Variants in ADNP2 observed in about 807,000 individuals in gnomAD.
ADNP2 encodes the protein ADNP homeobox 2, also known as activity-dependent neuroprotector homeobox protein 2.
In ADNP2, 8 loss-of-function variants were observed where a neutral mutation model predicts 16.4. The ratio of observed to expected loss-of-function variants is 0.49; its 90% confidence interval spans 0.29 to 0.88. ADNP2 has a LOEUF of 0.88. ADNP2 is among the 40% of genes least tolerant of loss of function. The probability of loss-of-function intolerance (pLI) is 0.09; values close to 1 mark genes in which losing one functional copy is unlikely to be tolerated. For synonymous variants in ADNP2, 637 were observed against 545.8 expected (o/e 1.17, Z -2.33); for missense variants, 1,397 against 1,395.1 (o/e 1.00, Z -0.02).
In ADNP2 at chr18:80,138,371, G is replaced by C. The variant is rs1399122682; in HGVS notation, c.2958G>C (p.Gly986=). Residue 986 remains glycine (G), a synonymous_variant, in exon 4 of 4, where the codon GGG becomes GGC. Transcript: ENST00000262198. ...VKRKLPDGHL[G]AEDQRHGEEQ... ...GAAAGCTGCCTGACGGCCACTTAGG[G>C]GCCGAAGACCAGCGGCATGGGGAGG... is the stretch of plus-strand genomic sequence containing the variant. 2 of 1,613,972 alleles carry C rather than the reference G, an allele frequency of 1.2e-6. No individual in the cohort carries two copies. The highest frequency in any genetic ancestry group is 2.7e-5 in the African/African-American group (2 of 74,932).
rs564534283 is a variant in ADNP2, at chr18:80,124,163, G to A, written c.108+6513G>A. Among the ~76,000 whole-genome samples, 185 of 152,304 alleles carry A rather than the reference G, an allele frequency of 1.2e-3. 1 individual carries two copies. The highest frequency in any genetic ancestry group is 4.2e-3 in the African/African-American group (176 of 41,560). ...TCTATTTCTTCATGGGTATGAATCAGTTTTAGGTAATTAGTGTCTTTCTAG... is the reference window on the plus strand; with the variant it reads ...TCTATTTCTTCATGGGTATGAATCAATTTTAGGTAATTAGTGTCTTTCTAG... On this transcript the variant is annotated intron_variant, in intron 2 of 3. Transcript: ENST00000262198.
intron 2 of ADNP2, among the ~76,000 whole-genome samples, chr18:80,130,645 C>G (rs1253948820): frequency 6.6e-6 from 1 of 152,082 alleles, no homozygotes; most frequent in Non-Finnish European, 1.5e-5. Context: ...ATTTAAAACC[C>G]TCTGCCGCCC....
rs774031897 is a variant in ADNP2, at chr18:80,137,379, A to G, written c.1966A>G (p.Met656Val). 3.1e-6 allele frequency: 5 copies of G among 1,614,128 alleles called. No homozygotes were observed. The highest frequency in any genetic ancestry group is 1.1e-5 in the South Asian group (1 of 91,082). ...SGAAAPMAGS[M>V]PGMPSPPVLV... ...TGCAGCTGCACCAATGGCCGGTTCC[A>G]TGCCCGGCATGCCCTCTCCTCCAGT... The change falls in exon 4 of 4, where the codon ATG (methionine) becomes GTG (valine). Residue 656 changes from methionine to valine, a missense_variant. Met to Val is a conservative substitution (Grantham distance 21). Around this residue, in one of 3 missense-constraint regions of ADNP2, gnomAD observed 611 missense variants for 648.7 expected, o/e 0.94. Coordinates refer to ENST00000262198, the MANE Select transcript of ADNP2 (RefSeq NM_014913.4). This position sits in a 1 kb window ranked among gnomAD's most constrained non-coding sequence, Gnocchi z 4.2.
At chr18:80,121,321 A>G (rs60551007) in intron 2 of ADNP2, among the ~76,000 whole-genome samples, 38,603 of 152,182 alleles carry the variant, frequency 0.25, 6,414 homozygotes, top group Non-Finnish European at 0.38. Context: ...TCATGTGCTT[A>G]TAAGCCATTT....
intron 1 of ADNP2, among the ~76,000 whole-genome samples, chr18:80,117,269 G>A (rs1030577495): frequency 6.6e-6 from 1 of 152,054 alleles, no homozygotes; most frequent in Non-Finnish European, 1.5e-5. Context: ...GGTCATCAAT[G>A]TTTATGCTTA....
intron 3 of ADNP2, among the ~76,000 whole-genome samples, chr18:80,134,386 A>AGTGT (rs34515123): frequency 0.02 from 2,858 of 146,272 alleles, 55 homozygotes; most frequent in East Asian, 0.095. Flanking sequence ...AGAATGGAAG[A>AGTGT]GTGTGTGTGT....
At chr18:80,122,158 G>C (rs879719504) in intron 2 of ADNP2, among the ~76,000 whole-genome samples, 1 of 152,124 alleles carries the variant, frequency 6.6e-6, no homozygotes, top group Non-Finnish European at 1.5e-5. Flanking sequence ...AACCTCAAGT[G>C]ATCCACCCAC....
In ADNP2 at chr18:80,116,364, G is replaced by C. The variant is rs534343644; in HGVS notation, c.-13-1166G>C. Among the ~76,000 whole-genome samples the C allele has an allele frequency of 6.4e-4, 97 of 152,176 alleles. 2 individuals are homozygous for C. Among genetic ancestry groups the C allele is most frequent in the Non-Finnish European group, 9.4e-4 (64 of 67,998 alleles). On this transcript the variant is annotated intron_variant, in intron 1 of 3. Coordinates refer to ENST00000262198, the MANE Select transcript of ADNP2 (RefSeq NM_014913.4). ...CATGAACATCCTTATATAAGTTTTT[G>C]GGTGGATGTATGCTTTTCTCTTGAG...
intron 2 of ADNP2, among the ~76,000 whole-genome samples, chr18:80,118,350 C>T (rs560441731): frequency 6.6e-6 from 1 of 152,138 alleles, no homozygotes; most frequent in African/African-American, 2.4e-5. Flanking sequence ...ATTGCTTGAA[C>T]CTGGGTGGCA....
rs2052570389 is a variant in ADNP2 at position 80,139,974 on chromosome 18, AACCTCGTTTTTTT to A, written c.*1166_*1178del. The stretch of plus-strand genomic sequence containing the variant: ...TGTCGTCACTGTCCTGTGGATGTTA[AACCTCGTTTTTTT>A]CCCCACACGATATTAAAACTTAAAG... On this transcript the variant is annotated 3_prime_UTR_variant, in exon 4 of 4. Transcript: ENST00000262198. 1 of 151,952 alleles carries A rather than the reference AACCTCGTTTTTTT, an allele frequency of 6.6e-6. No homozygotes were observed. 9.4% of individuals were successfully genotyped at this position (151,952 alleles called of 1,614,324 possible).
At chr18:80,124,945 C>G (rs1015977800) in intron 2 of ADNP2, among the ~76,000 whole-genome samples, 7 of 152,158 alleles carry the variant, frequency 4.6e-5, no homozygotes, top group African/African-American at 1.4e-4. Context: ...ATAGGCCCAA[C>G]TACAAGTTAA....
In ADNP2 at chr18:80,117,530, G is replaced by A; in HGVS notation, c.-13G>A. Reference sequence around the variant, plus strand: ...CAGTTTTGTTTTCTTTCCTTTTAAGGAAAATTTCAAAAATGTTTCAAATTC... The same window carrying A: ...CAGTTTTGTTTTCTTTCCTTTTAAGAAAAATTTCAAAAATGTTTCAAATTC... On this transcript the variant is annotated splice_region_variant and 5_prime_UTR_variant, in exon 2 of 4. Transcript: ENST00000262198. The A allele has an allele frequency of 1.3e-6, 2 of 1,575,278 alleles. No homozygotes were observed. Among genetic ancestry groups the A allele is most frequent in the Middle Eastern group, 1.7e-4 (1 of 5,958 alleles).
chr18:80,121,015 G>A (rs1003599592), intron 2 of ADNP2, among the ~76,000 whole-genome samples: 1 of 152,044 alleles, frequency 6.6e-6, no homozygotes, highest in African/African-American at 2.4e-5. Flanking sequence ...GGAATTTTTG[G>A]GTCATATAGT....
chr18:80,109,552 C>T (rs1311031178), intron 1 of ADNP2, 80 bp downstream of exon 1: 3 of 148,164 alleles, frequency 2.0e-5, no homozygotes, highest in African/African-American at 7.3e-5. Context: ...AGTCTGGTCC[C>T]CTCCGAGCCC....
At chr18:80,125,691 G>A (rs1599812979) in intron 2 of ADNP2, among the ~76,000 whole-genome samples, 1 of 151,920 alleles carries the variant, frequency 6.6e-6, no homozygotes, top group Admixed American at 6.6e-5. Context: ...TGCGCTGGTA[G>A]TGTCAGGTAC....
chr18:80,118,636 T>C (rs2052404254), intron 2 of ADNP2, among the ~76,000 whole-genome samples: 1 of 152,310 alleles, frequency 6.6e-6, no homozygotes, highest in African/African-American at 2.4e-5. Context: ...TTTGTTTTAT[T>C]TTTAAGTAAC....
At chr18:80,124,388 T>G (rs1469666390) in intron 2 of ADNP2, among the ~76,000 whole-genome samples, 1 of 152,224 alleles carries the variant, frequency 6.6e-6, no homozygotes, top group African/African-American at 2.4e-5. Flanking sequence ...TGGATTTGAT[T>G]ACTTTGTCAG....
rs2052550574 is a variant in ADNP2 at position 80,137,645 on chromosome 18, GAA to G, written c.2235_2236del (p.Lys745AsnfsTer8). 6.2e-7 allele frequency: 1 copy of G among 1,614,222 alleles called. No individual in the cohort carries two copies. Among genetic ancestry groups the G allele is most frequent in the Non-Finnish European group, 8.5e-7 (1 of 1,180,032 alleles). On this transcript the variant is annotated frameshift_variant, in exon 4 of 4. Transcript: ENST00000262198. LOFTEE classifies it low-confidence loss of function (END_TRUNC). This position sits in a 1 kb window ranked among gnomAD's most constrained non-coding sequence, Gnocchi z 4.2. Reference protein sequence around the residue: ...CAPFLKWMREKTVRCLSCKCL... With the variant: ...CAPFLKWMREXTVRCLSCKCL... ...CACCATTTCTAAAGTGGATGAGAGAGAAAACGGTGCGATGTCTGTCTTGTAAG... is the reference window on the plus strand; with the variant it reads ...CACCATTTCTAAAGTGGATGAGAGAGAACGGTGCGATGTCTGTCTTGTAAG...
In ADNP2 at chr18:80,121,119, G is replaced by A. The variant is rs905763957; in HGVS notation, c.108+3469G>A. ...CCAGAAGTGTACAAGAATTAAATCTGTTCACATCATTACCAACACTTACTT... is the reference window on the plus strand; with the variant it reads ...CCAGAAGTGTACAAGAATTAAATCTATTCACATCATTACCAACACTTACTT... On this transcript the variant is annotated intron_variant, in intron 2 of 3. Coordinates refer to ENST00000262198, the MANE Select transcript of ADNP2 (RefSeq NM_014913.4). 9.2e-5 allele frequency among the ~76,000 whole-genome samples: 14 copies of A among 152,170 alleles called. 1 individual carries two copies. Among genetic ancestry groups the A allele is most frequent in the Admixed American group, 5.9e-4 (9 of 15,276 alleles).
Sources: allele counts gnomAD v4.1 joint callset (sites outside exome capture counted in the v4.1 genomes callset), GRCh38; gene constraint gnomAD v4.1.1; regional missense constraint gnomAD v4.1.1; non-coding constraint Gnocchi (gnomAD v3.1); transcripts MANE v1.5; gene names NCBI Gene and HGNC (gene_info 2026-07-23, HGNC 2026-07-21).